The following SLC6A11 variants were observed in gnomAD, a reference collection of about 807,000 sequenced individuals.
SLC6A11 encodes sodium- and chloride-dependent GABA transporter 3.
In SLC6A11, 25 loss-of-function variants were observed where a neutral mutation model predicts 74.8. The ratio of observed to expected loss-of-function variants is 0.33; its 90% CI spans 0.24 to 0.47. SLC6A11 has a LOEUF of 0.47. Ranked by LOEUF, SLC6A11 falls within the 20% of genes least tolerant of loss-of-function variation. The pLI, the probability that SLC6A11 is intolerant of heterozygous loss-of-function variation, is 1.00. For synonymous variants in SLC6A11, 330 were observed against 330.2 expected (o/e 1.00, Z 0.01); for missense variants, 574 against 837.0 (o/e 0.69, Z 3.88).
At chr3:10,842,539 G>T (rs556432250) in intron 4 of SLC6A11, among the ~76,000 whole-genome samples, 28 of 152,332 alleles carry the variant, frequency 1.8e-4, no homozygotes, top group African/African-American at 6.7e-4. Flanking sequence ...GCCAAAGACT[G>T]CTAAGACATA....
rs1443092162 is a variant in SLC6A11, at chr3:10,940,211, C to G, written c.*1809C>G. On this transcript the variant is annotated 3_prime_UTR_variant, in exon 14 of 14. Transcript: ENST00000254488. ...TATGGGCAAGCCACCATCCCACTCTCGTCTCCCTGAGCTGTCTGGTTCTGC... is the reference window on the plus strand; with the variant it reads ...TATGGGCAAGCCACCATCCCACTCTGGTCTCCCTGAGCTGTCTGGTTCTGC... 1 of 152,272 alleles carries G rather than the reference C, an allele frequency of 6.6e-6. No homozygotes were observed. The highest frequency in any genetic ancestry group is 1.9e-4 in the East Asian group (1 of 5,174). 9.4% of individuals were successfully genotyped at this position (152,272 alleles called of 1,614,324 possible).
At chr3:10,857,381 G>A (rs1261650733) in intron 5 of SLC6A11, among the ~76,000 whole-genome samples, 1 of 152,120 alleles carries the variant, frequency 6.6e-6, no homozygotes, top group African/African-American at 2.4e-5. Context: ...AGGTCCCATG[G>A]GCAGTGGGGA....
At chr3:10,887,063 GGACAGATGGATGGATGGATGGGCAGACA>G (rs1291474029) in intron 6 of SLC6A11, among the ~76,000 whole-genome samples, 1 of 152,104 alleles carries the variant, frequency 6.6e-6, no homozygotes, top group African/African-American at 2.4e-5. Context: ...ATGAATGTAT[GGACAGATGGATGGATGGATGGGCAGACA>G]GACGGATGGA....
At chr3:10,864,685 T>G (rs1694742927) in intron 5 of SLC6A11, among the ~76,000 whole-genome samples, 1 of 152,104 alleles carries the variant, frequency 6.6e-6, no homozygotes, top group Admixed American at 6.5e-5. Context: ...TTTTTTCCCT[T>G]CCTTCTAGGC....
At position 10,926,649 on chromosome 3, in the gene SLC6A11, C is replaced by T. The variant is rs1034026463; in HGVS notation, c.1233+533C>T. 4.6e-5 allele frequency among the ~76,000 whole-genome samples: 7 copies of T among 152,300 alleles called. No homozygotes were observed. In the East Asian group the frequency reaches 1.2e-3, roughly 25 times the overall value. On this transcript the variant is annotated intron_variant, in intron 9 of 13. Coordinates refer to ENST00000254488, the MANE Select transcript of SLC6A11 (RefSeq NM_014229.3). This position sits in a 1 kb window ranked among gnomAD's most constrained non-coding sequence, Gnocchi z 5.7. ...CTCTGTGCTCGGCCCTCCCTAGAGG[C>T]CCCTTGCCAACCTCCCCCTGCTTGG...
At chr3:10,912,068 A>G (rs1202710362) in intron 6 of SLC6A11, 22 bp from the exon 7 acceptor site, 5 of 1,540,044 alleles carry the variant, frequency 3.2e-6, no homozygotes, top group East Asian at 2.2e-5. Flanking sequence ...GTTTATGCCA[A>G]CATCTTTGTG....
At chr3:10,888,237 C>T (rs1377045636) in intron 6 of SLC6A11, among the ~76,000 whole-genome samples, 5 of 152,202 alleles carry the variant, frequency 3.3e-5, no homozygotes, top group Admixed American at 3.3e-4. Flanking sequence ...TTACTCATCT[C>T]CTTCCTCCTT....
chr3:10,897,523 G>T (rs1695185243), intron 6 of SLC6A11, among the ~76,000 whole-genome samples: 1 of 152,218 alleles, frequency 6.6e-6, no homozygotes, highest in Admixed American at 6.5e-5. Context: ...CTGAAATCCA[G>T]CAGGGCAGTC....
In SLC6A11 at chr3:10,875,135, C is replaced by T. The variant is rs528038661; in HGVS notation, c.891+40C>T. 12 of 1,534,012 alleles carry T rather than the reference C, an allele frequency of 7.8e-6. No homozygotes were observed. The South Asian group carries it at 1.3e-4, about 16-fold the overall frequency. On this transcript the variant is annotated intron_variant, in intron 6 of 13. Transcript: ENST00000254488. ...CTCAATGTGCAGCATCACCCACCAC[C>T]ACTGGGAAGCCTTCTGCAGAGCCCC...
At chr3:10,893,626 C>G (rs1254823107) in intron 6 of SLC6A11, among the ~76,000 whole-genome samples, 2 of 152,096 alleles carry the variant, frequency 1.3e-5, no homozygotes, top group African/African-American at 4.8e-5. Flanking sequence ...GTCTTCTCAC[C>G]AAAGGATTCC....
At chr3:10,862,418 C>T (rs921621067) in intron 5 of SLC6A11, among the ~76,000 whole-genome samples, 3 of 152,140 alleles carry the variant, frequency 2.0e-5, no homozygotes, top group African/African-American at 7.2e-5. Context: ...CCTTAATTCA[C>T]CATGAAATAG....
chr3:10,908,758 A>G (rs929143314), intron 6 of SLC6A11, among the ~76,000 whole-genome samples: 4 of 152,184 alleles, frequency 2.6e-5, no homozygotes, highest in African/African-American at 9.7e-5. Flanking sequence ...TGCACAGTAT[A>G]CAGGTGAAGG....
chr3:10,888,849 T>G (rs1240203422), intron 6 of SLC6A11, among the ~76,000 whole-genome samples: 1 of 152,214 alleles, frequency 6.6e-6, no homozygotes, highest in African/African-American at 2.4e-5. Context: ...ATTTGTTGAG[T>G]ACCTACTGTA....
chr3:10,849,510 A>G (rs941836331), intron 5 of SLC6A11, among the ~76,000 whole-genome samples: 1 of 152,210 alleles, frequency 6.6e-6, no homozygotes, highest in African/African-American at 2.4e-5. Flanking sequence ...AAAATACCAA[A>G]AACATCCTGT....
At chr3:10,843,578 C>A (rs1435859778) in intron 4 of SLC6A11, among the ~76,000 whole-genome samples, 1 of 152,218 alleles carries the variant, frequency 6.6e-6, no homozygotes, top group African/African-American at 2.4e-5. Context: ...GGTTATGCTG[C>A]AGTAATAAAT....
chr3:10,931,809 T>C (rs946805007), intron 10 of SLC6A11, among the ~76,000 whole-genome samples: 2 of 152,188 alleles, frequency 1.3e-5, no homozygotes, highest in Non-Finnish European at 2.9e-5. Flanking sequence ...TGTCTGGCCT[T>C]GTGGGCATTG....
At chr3:10,869,798 T>C (rs1694807782) in intron 5 of SLC6A11, among the ~76,000 whole-genome samples, 1 of 152,186 alleles carries the variant, frequency 6.6e-6, no homozygotes, top group Non-Finnish European at 1.5e-5. Context: ...TAACTGCAGC[T>C]GCAGTATGGA....
At chr3:10,903,176 A>C (rs1695261733) in intron 6 of SLC6A11, among the ~76,000 whole-genome samples, 1 of 152,210 alleles carries the variant, frequency 6.6e-6, no homozygotes, top group Non-Finnish European at 1.5e-5. Flanking sequence ...GAGGACATAG[A>C]GATGGATTTA....
chr3:10,912,362 GC>G (rs756018183), intron 7 of SLC6A11, among the ~76,000 whole-genome samples, 169 bp downstream of exon 7: 20 of 152,146 alleles, frequency 1.3e-4, no homozygotes, highest in Non-Finnish European at 2.4e-4. Flanking sequence ...CCACCAAGAA[GC>G]TAGGAGAATA....
Sources: gnomAD v4.1 joint callset for allele counts (sites outside exome capture counted in the v4.1 genomes callset) on GRCh38, gnomAD v4.1.1 for gene constraint, Gnocchi (gnomAD v3.1) non-coding constraint, MANE v1.5 for transcripts, NCBI Gene and HGNC (gene_info 2026-07-23, HGNC 2026-07-21) for gene names.